The following PXYLP1 variants were observed in gnomAD, a reference collection of about 807,000 sequenced individuals.
The protein encoded by PXYLP1 is acid phosphatase-like 2.
In PXYLP1, 17 loss-of-function variants were observed where a neutral mutation model predicts 37.9. The observed-to-expected ratio is 0.45, with a 90% confidence interval of 0.31 to 0.67. The LOEUF (loss-of-function observed/expected upper bound fraction) is 0.67. Ranked by LOEUF, PXYLP1 falls within the 30% of genes least tolerant of loss-of-function variation. The pLI, the probability that PXYLP1 is intolerant of heterozygous loss-of-function variation, is 0.07. For missense variants in PXYLP1, 511 were observed against 612.0 expected (o/e 0.84, Z 1.74); for synonymous variants, 221 against 232.2 (o/e 0.95, Z 0.44).
intron 1 of PXYLP1, among the ~76,000 whole-genome samples, chr3:141,258,997 T>TG (rs1404298509): frequency 1.3e-5 from 2 of 152,216 alleles, no homozygotes; most frequent in Admixed American, 1.3e-4. Flanking sequence ...AGTCACCTAC[T>TG]GGGCCCTTGG....
intron 5 of PXYLP1, among the ~76,000 whole-genome samples, chr3:141,288,148 T>C (rs185659541): frequency 6.6e-5 from 10 of 152,324 alleles, no homozygotes; most frequent in Middle Eastern, 3.4e-3. Flanking sequence ...GAGTTAACTG[T>C]GGAGTCACCT....
chr3:141,244,456 T>C (rs6779202), intron 1 of PXYLP1, among the ~76,000 whole-genome samples: 5,605 of 151,982 alleles, frequency 0.037, 342 homozygotes, highest in African/African-American at 0.13. Flanking sequence ...TACTTCACAA[T>C]AGAGATCACA....
chr3:141,291,306 T>C (rs1942199045), intron 5 of PXYLP1, among the ~76,000 whole-genome samples: 1 of 152,166 alleles, frequency 6.6e-6, no homozygotes, highest in Non-Finnish European at 1.5e-5. Flanking sequence ...GTGAGCTTGT[T>C]TTTGTCTTGG....
chr3:141,272,397 A>G (rs1302345110), intron 2 of PXYLP1, among the ~76,000 whole-genome samples: 2 of 152,112 alleles, frequency 1.3e-5, no homozygotes, highest in African/African-American at 2.4e-5. Flanking sequence ...GGGACCATCA[A>G]TGGAATAAAC....
intron 1 of PXYLP1, among the ~76,000 whole-genome samples, chr3:141,258,082 G>A (rs923726502): frequency 2.0e-5 from 3 of 152,140 alleles, no homozygotes; most frequent in Non-Finnish European, 2.9e-5. Context: ...ACATGACCCA[G>A]CAGCAGAAAC....
chr3:141,244,792 A>T (rs532703161), intron 1 of PXYLP1, among the ~76,000 whole-genome samples: 18 of 151,652 alleles, frequency 1.2e-4, no homozygotes, highest in African/African-American at 4.4e-4. Flanking sequence ...AATGACTCCT[A>T]ATGCTGCTTT....
At position 141,292,460 on chromosome 3, in the gene PXYLP1, G is replaced by A. The variant is rs1251524363; in HGVS notation, c.698G>A (p.Arg233Lys). Residue 233 changes from arginine (R) to lysine (K), a missense_variant, in exon 6 of 6, where the codon AGG becomes AAG. By Grantham distance (26) the Arg-to-Lys change is conservative (BLOSUM62 2). Coordinates refer to ENST00000286353, the MANE Select transcript of PXYLP1 (RefSeq NM_001037172.3). The surrounding 1 kb of genome is among the most constrained non-coding windows in gnomAD (Gnocchi z 4.3). ...TTTGACTGGAAGAAGATTTATTTCA[G>A]GCACCAGCCAAGTGCGCTGTTCTGC... ...PDFDWKKIYF[R>K]HQPSALFCSG... 6 of 1,614,070 alleles carry A rather than the reference G, an allele frequency of 3.7e-6. No individual in the cohort carries two copies. The highest frequency in any genetic ancestry group is 8.5e-7 in the Non-Finnish European group (1 of 1,180,054).
chr3:141,282,039 G>C (rs939506049), intron 4 of PXYLP1, among the ~76,000 whole-genome samples: 2 of 152,154 alleles, frequency 1.3e-5, no homozygotes, highest in African/African-American at 4.8e-5. Flanking sequence ...GTGGCAGCTA[G>C]TGGTGTTATT....
intron 1 of PXYLP1, among the ~76,000 whole-genome samples, chr3:141,252,400 G>A (rs1156510643): frequency 6.6e-6 from 1 of 152,166 alleles, no homozygotes; most frequent in African/African-American, 2.4e-5. Flanking sequence ...GCCAACATCT[G>A]CTTCTGCTGA....
chr3:141,291,662 A>G (rs966915931), intron 5 of PXYLP1: 5 of 153,348 alleles, frequency 3.3e-5, no homozygotes, highest in African/African-American at 1.2e-4. Context: ...ATTGTTCCAT[A>G]TCATACAGAG....
chr3:141,285,109 A>G (rs543888883), intron 4 of PXYLP1, among the ~76,000 whole-genome samples: 6 of 133,662 alleles, frequency 4.5e-5, no homozygotes, highest in African/African-American at 1.7e-4. Context: ...AGATACAGCC[A>G]TTTGTTGTCA....
chr3:141,288,673 C>T (rs551235202), intron 5 of PXYLP1, among the ~76,000 whole-genome samples: 2 of 152,312 alleles, frequency 1.3e-5, no homozygotes, highest in East Asian at 1.9e-4. Context: ...GCAGGATAAT[C>T]GTTTGAGCCT....
At chr3:141,235,718 C>T (rs896281968) in intron 1 of PXYLP1, among the ~76,000 whole-genome samples, 16 of 152,248 alleles carry the variant, frequency 1.1e-4, no homozygotes, top group African/African-American at 3.9e-4. Flanking sequence ...AACGACGGCC[C>T]ATTGGAGCCT....
At chr3:141,256,758 A>G (rs185178755) in intron 1 of PXYLP1, among the ~76,000 whole-genome samples, 2 of 152,272 alleles carry the variant, frequency 1.3e-5, no homozygotes, top group East Asian at 3.9e-4. Flanking sequence ...CTGTGTACAT[A>G]CACCCCTAGG....
Position 141,285,476 on chromosome 3 carries a change from C to T in PXYLP1, c.366-1838C>T, listed in dbSNP as rs147337335. On this transcript the variant is annotated intron_variant, in intron 4 of 5. Transcript: ENST00000286353. ...TTCTTTAAATGAAGTTTTTCTTCCA[C>T]AAATCTTCATCTTTGCATGCCAAAA... Among the ~76,000 whole-genome samples the T allele has an allele frequency of 1.9e-3, 287 of 151,770 alleles. 1 individual carries two copies. Among genetic ancestry groups the T allele is most frequent in the African/African-American group, 6.6e-3 (275 of 41,378 alleles).
intron 2 of PXYLP1, chr3:141,274,244 G>A: frequency 9.6e-6 from 12 of 1,245,340 alleles, no homozygotes; most frequent in Non-Finnish European, 1.1e-5. Flanking sequence ...ACAGCACCAG[G>A]GCAGAGGCGG....
chr3:141,278,544 T>C, intron 3 of PXYLP1, 44 bp downstream of exon 3: 1 of 1,606,614 alleles, frequency 6.2e-7, no homozygotes, highest in Non-Finnish European at 8.5e-7. Flanking sequence ...CTTTGGGGAC[T>C]AGTTATTCCA....
At chr3:141,245,943 A>G (rs1940925010) in intron 1 of PXYLP1, among the ~76,000 whole-genome samples, 1 of 152,252 alleles carries the variant, frequency 6.6e-6, no homozygotes. Flanking sequence ...GTCAGTGGAA[A>G]CATCCAGGAG....
intron 2 of PXYLP1, chr3:141,274,739 C>G (rs1166435031): frequency 1.5e-6 from 1 of 688,582 alleles, no homozygotes; most frequent in Non-Finnish European, 2.6e-6. Context: ...GACACCCCTG[C>G]TTGCATATAC....
Sources: gnomAD v4.1 joint callset for allele counts (sites outside exome capture counted in the v4.1 genomes callset) on GRCh38, gnomAD v4.1.1 for gene constraint, Gnocchi (gnomAD v3.1) non-coding constraint, MANE v1.5 for transcripts, NCBI Gene and HGNC (gene_info 2026-07-23, HGNC 2026-07-21) for gene names.